The following TBCD variants were observed in gnomAD, a reference collection of about 807,000 sequenced individuals.
TBCD encodes tubulin-specific chaperone D.
A neutral mutation model predicts 169.3 loss-of-function variants in TBCD; 105 were observed. That is an observed-to-expected ratio of 0.62 (90% CI 0.53 to 0.73). The LOEUF (loss-of-function observed/expected upper bound fraction) is 0.73. Among genes scored for constraint, TBCD ranks in the 30% least tolerant of loss-of-function variants. The pLI, the probability that TBCD is intolerant of heterozygous loss-of-function variation, is 0.00. For synonymous variants in TBCD, 700 were observed against 643.9 expected (o/e 1.09, Z -1.32); for missense variants, 1,444 against 1,600.1 (o/e 0.90, Z 1.66).
intron 1 of TBCD, among the ~76,000 whole-genome samples, chr17:82,752,975 G>T (rs1432258415): frequency 6.6e-6 from 1 of 152,206 alleles, no homozygotes; most frequent in Non-Finnish European, 1.5e-5. Context: ...GCGGGGTGGG[G>T]TGTAGGTACC....
Position 82,884,370 on chromosome 17 carries a change from C to G in TBCD, c.1533+168C>G, listed in dbSNP as rs1302980818. Among the ~76,000 whole-genome samples the G allele has an allele frequency of 2.0e-5, 3 of 152,176 alleles. No individual in the cohort carries two copies. The highest frequency in any genetic ancestry group is 7.2e-5 in the African/African-American group (3 of 41,432). ...CGGGCAGGCCACTGGTTCTTACTGT[C>G]TCTGGGCGTCTTCAGCGTGTGAAGG... On this transcript the variant is annotated intron_variant, in intron 15 of 38. Transcript: ENST00000355528. The surrounding 1 kb of genome is among the most constrained non-coding windows in gnomAD (Gnocchi z 4.2).
chr17:82,870,564 C>G (rs749740485), intron 14 of TBCD, among the ~76,000 whole-genome samples, 184 bp downstream of exon 14: 2 of 152,340 alleles, frequency 1.3e-5, no homozygotes, highest in Non-Finnish European at 2.9e-5. Context: ...GCAACCAGAG[C>G]AGAAGTGTGT....
intron 13 of TBCD, chr17:82,839,868 A>G (rs1440632599): frequency 1.3e-5 from 2 of 152,276 alleles, no homozygotes; most frequent in East Asian, 1.9e-4. Flanking sequence ...TATTTTAGAT[A>G]CGTCTGAGAA....
chr17:82,752,678 C>T (rs1391033795), intron 1 of TBCD, among the ~76,000 whole-genome samples: 1 of 152,028 alleles, frequency 6.6e-6, no homozygotes, highest in Non-Finnish European at 1.5e-5. Flanking sequence ...GGTGCAGAAG[C>T]CCTCCGTCCC....
At chr17:82,856,152 G>A (rs983406281) in intron 13 of TBCD, among the ~76,000 whole-genome samples, 5 of 151,126 alleles carry the variant, frequency 3.3e-5, no homozygotes, top group South Asian at 2.1e-4. Context: ...AATTCATATA[G>A]TAAGACAAAG....
At chr17:82,799,750 G>A (rs1006809488) in intron 8 of TBCD, among the ~76,000 whole-genome samples, 3 of 152,202 alleles carry the variant, frequency 2.0e-5, no homozygotes, top group Non-Finnish European at 4.4e-5. Context: ...CCCTGTCGGC[G>A]GGAGGAGCGT....
At chr17:82,908,915 T>C (rs1470414153) in intron 21 of TBCD, among the ~76,000 whole-genome samples, 1 of 152,274 alleles carries the variant, frequency 6.6e-6, no homozygotes, top group Non-Finnish European at 1.5e-5. Context: ...TTTTAAGCTC[T>C]CTTACAAAAA....
At chr17:82,910,241 G>A (rs1020415980) in intron 22 of TBCD, among the ~76,000 whole-genome samples, 3 of 152,164 alleles carry the variant, frequency 2.0e-5, no homozygotes, top group Non-Finnish European at 4.4e-5. Flanking sequence ...GCTGCTGCAC[G>A]TCCCCATCCA....
At chr17:82,888,297 G>T (rs760644446) in intron 15 of TBCD, among the ~76,000 whole-genome samples, 1 of 152,206 alleles carries the variant, frequency 6.6e-6, no homozygotes, top group Non-Finnish European at 1.5e-5. Context: ...GTCAGCCTTC[G>T]CACTGGGCAG....
chr17:82,881,785 C>T (rs1353140724), intron 14 of TBCD, among the ~76,000 whole-genome samples: 2 of 152,224 alleles, frequency 1.3e-5, no homozygotes, highest in Admixed American at 1.3e-4. Context: ...TCAAAAGATG[C>T]TTCCTATGTT....
chr17:82,926,984 AGAGACG>A, intron 28 of TBCD, 196 bp from the exon 29 acceptor site: 1 of 704,218 alleles, frequency 1.4e-6, no homozygotes, highest in Non-Finnish European at 2.3e-6. Context: ...TTTCAACCGG[AGAGACG>A]GCAGAGCGTG....
At chr17:82,836,996 G>T (rs572668470) in intron 13 of TBCD, among the ~76,000 whole-genome samples, 3 of 152,158 alleles carry the variant, frequency 2.0e-5, no homozygotes, top group Admixed American at 6.5e-5. Flanking sequence ...ATGGAGTCTC[G>T]GGCAGTGGTT....
chr17:82,847,183 C>T (rs886281490), intron 13 of TBCD, among the ~76,000 whole-genome samples: 1 of 151,802 alleles, frequency 6.6e-6, no homozygotes, highest in African/African-American at 2.4e-5. Context: ...AACCCCGTCT[C>T]TACTAAAAAT....
intron 2 of TBCD, among the ~76,000 whole-genome samples, chr17:82,758,493 A>C (rs2047563599): frequency 6.9e-6 from 1 of 145,064 alleles, no homozygotes; most frequent in Non-Finnish European, 1.5e-5. Flanking sequence ...CAAGCGGTTC[A>C]CCCACCTTGG....
rs748897905 is a variant in TBCD, at chr17:82,939,428, G to A, written c.3431G>A (p.Gly1144Asp). Residue 1144 changes from glycine to aspartate, a missense_variant, in exon 37 of 39, where the codon GGC (glycine) becomes GAC (aspartate). Physicochemically the swap from Gly to Asp is moderately conservative, Grantham distance 94 (BLOSUM62 -1). Transcript: ENST00000355528. ...ETLLTYSDVV[G>D]ADVLDEVVTV... ...TTGCTCACCTACAGTGACGTCGTGG[G>A]CGCGGATGTGCTGGACGAGGTGGTG... 5 of 1,613,606 alleles carry A rather than the reference G, an allele frequency of 3.1e-6. No individual in the cohort carries two copies. The African/African-American group carries it at 5.3e-5, about 17-fold the overall frequency.
At chr17:82,921,710 A>G (rs1359647514) in intron 25 of TBCD, 133 bp downstream of exon 25, 1 of 777,244 alleles carries the variant, frequency 1.3e-6, no homozygotes, top group Admixed American at 2.2e-5. Flanking sequence ...AAATGGGGGC[A>G]TAATTCTATT....
In TBCD at chr17:82,893,524, C is replaced by T. The variant is rs750805930; in HGVS notation, c.1564-23C>T. On this transcript the variant is annotated intron_variant, in intron 16 of 38. Coordinates refer to ENST00000355528, the MANE Select transcript of TBCD (RefSeq NM_005993.5). ...TTGTTCATTCAAATTCTTCTTTTTC[C>T]CCCATTTCCACTTTCTTATTAGGGC... The T allele has an allele frequency of 9.0e-6, 14 of 1,552,530 alleles. No individual in the cohort carries two copies. In the South Asian group the frequency reaches 1.6e-4, roughly 18 times the overall value.
In TBCD at chr17:82,831,937, G is replaced by A; in HGVS notation, c.1318+17003G>A. On this transcript the variant is annotated intron_variant, in intron 13 of 38. Transcript: ENST00000355528. This position sits in a 1 kb window ranked among gnomAD's most constrained non-coding sequence, Gnocchi z 4.6. ...TGTCTCGGGCGCCTCGGCGTTGTCT[G>A]GCCCCTTGAGTCTGTGCTCGCCGAC... is the stretch of plus-strand genomic sequence containing the variant. 3 of 1,614,158 alleles carry A rather than the reference G, an allele frequency of 1.9e-6. No homozygotes were observed. The highest frequency in any genetic ancestry group is 2.5e-6 in the Non-Finnish European group (3 of 1,180,038).
In TBCD at chr17:82,943,756, A is replaced by G. The variant is rs923205000; in HGVS notation, c.*1293A>G. The G allele has an allele frequency of 7.9e-5, 12 of 152,220 alleles. No individual in the cohort carries two copies. The highest frequency in any genetic ancestry group is 5.9e-5 in the Non-Finnish European group (4 of 68,034). 9.4% of individuals were successfully genotyped at this position (152,220 alleles called of 1,614,324 possible). A position where few individuals can be genotyped will look rare whatever the true frequency, so the allele number is the denominator to read the frequency against. On this transcript the variant is annotated 3_prime_UTR_variant, in exon 39 of 39. Transcript: ENST00000355528. ...GTTGTTGTGTTTGACCTGGTGGCCA[A>G]TGGTCTTTATACCCTAAAAGAGCCT...
Sources: gnomAD v4.1 joint callset for allele counts (sites outside exome capture counted in the v4.1 genomes callset) on GRCh38, gnomAD v4.1.1 for gene constraint, Gnocchi (gnomAD v3.1) non-coding constraint, MANE v1.5 for transcripts, NCBI Gene and HGNC (gene_info 2026-07-23, HGNC 2026-07-21) for gene names.